MUC4: variants seen among roughly 807,000 people sequenced by gnomAD.
The protein encoded by MUC4 is mucin 4, cell surface associated, also known as mucin-4.
A neutral mutation model predicts 257.9 loss-of-function variants in MUC4; 202 were observed. That is an observed-to-expected ratio of 0.78 (90% confidence interval 0.70 to 0.88). MUC4 has a LOEUF of 0.88. Among genes scored for constraint, MUC4 ranks in the 40% least tolerant of loss-of-function variants. The pLI is 0.00. For synonymous variants in MUC4, 2,351 were observed against 2,757.1 expected (o/e 0.85, Z 4.62); for missense variants, 5,976 against 6,513.7 (o/e 0.92, Z 2.84).
rs1685530258 is a variant in MUC4 at position 195,758,981 on chromosome 3, T to A, written c.14986+143A>T. The stretch of plus-strand genomic sequence containing the variant: ...CTATTTGAGTTATAGATATCGCTCC[T>A]CGGAAATGCCGGTCCTGGATATTCA... On this transcript the variant is annotated intron_variant, in intron 17 of 24. Coordinates refer to ENST00000463781, the MANE Select transcript of MUC4 (RefSeq NM_018406.7). 2.5e-6 allele frequency: 3 copies of A among 1,199,412 alleles called. No homozygotes were observed. In the South Asian group the frequency reaches 4.3e-5, roughly 17 times the overall value. The allele number at this position is 1,199,412 out of a possible 1,614,324, so 74.3% of individuals were successfully genotyped here. A position where few individuals can be genotyped will look rare whatever the true frequency, so the allele number is the denominator to read the frequency against.
chr3:195,798,628 C>CA (rs1553889587), intron 1 of MUC4, among the ~76,000 whole-genome samples: 1 of 151,624 alleles, frequency 6.6e-6, no homozygotes, highest in Non-Finnish European at 1.5e-5. Context: ...GGCGTGAACC[C>CA]GGGAGGCGGA....
Position 195,791,402 on chromosome 3 carries a change from C to T in MUC4, c.178G>A (p.Ala60Thr). The stretch of plus-strand genomic sequence containing the variant: ...TGATTAGAGGTCCTTGAAGAAGCTG[C>T]AGTTGATTGTCCCTCTAGTGTCGCT... ...TTATLEGQST[A>T]ASSRTSNQDI... Residue 60 changes from alanine (A) to threonine (T), a missense_variant, in exon 2 of 25, where the codon GCA (alanine) becomes ACA (threonine). By Grantham distance (58) the Ala-to-Thr change is moderately conservative (BLOSUM62 0). Coordinates refer to ENST00000463781, the MANE Select transcript of MUC4 (RefSeq NM_018406.7). 6.2e-7 allele frequency: 1 copy of T among 1,613,932 alleles called. No individual in the cohort carries two copies. Among genetic ancestry groups the T allele is most frequent in the Non-Finnish European group, 8.5e-7 (1 of 1,179,886 alleles).
At chr3:195,767,919 C>CCACCA (rs1721906505) in intron 7 of MUC4, among the ~76,000 whole-genome samples, 3 of 132,062 alleles carry the variant, frequency 2.3e-5, no homozygotes, top group African/African-American at 1.1e-4. Context: ...ACCATCGCCA[C>CCACCA]TGCCACCTCC....
At position 195,781,283 on chromosome 3, in the gene MUC4, C is replaced by T. The variant is rs2148938688; in HGVS notation, c.10297G>A (p.Ala3433Thr). The change falls in exon 2 of 25, where the codon GCA becomes ACA. Residue 3433 changes from alanine (A) to threonine (T), a missense_variant. Ala to Thr is a moderately conservative substitution (Grantham distance 58, BLOSUM62 0). Around this residue, in one of 44 missense-constraint regions of MUC4, gnomAD observed 297 missense variants for 240.9 expected, o/e 1.23. Coordinates refer to ENST00000463781, the MANE Select transcript of MUC4 (RefSeq NM_018406.7). ...ACAGGGGTGGCGTGACCGGTGGATG[C>T]TGAGGAAGTGCTGGTGACAGGAAGA... The part of the protein sequence containing the change: ...TPLPVTSTSS[A>T]STGHATPVPV... The T allele has an allele frequency of 2.1e-6, 3 of 1,421,130 alleles. No homozygotes were observed. Among genetic ancestry groups the T allele is most frequent in the Non-Finnish European group, 1.9e-6 (2 of 1,057,884 alleles). 88.0% of individuals were successfully genotyped at this position (1,421,130 alleles called of 1,614,324 possible). A position where few individuals can be genotyped will look rare whatever the true frequency, so the allele number is the denominator to read the frequency against.
intron 4 of MUC4, 136 bp downstream of exon 4, chr3:195,774,033 CATT>C (rs1048446921): frequency 8.4e-7 from 1 of 1,188,592 alleles, no homozygotes; most frequent in African/African-American, 1.6e-5. Flanking sequence ...AGAGGCCTGA[CATT>C]AAGGAGGCTG....
chr3:195,788,866 G>C lies in MUC4; in HGVS notation c.2714C>G (p.Ser905Cys). ...TGTCCTCTGAGTCTGGGCCATCCGGGAAATGGCGGCTGTCTCCTGAGGAGA... is the reference window on the plus strand; with the variant it reads ...TGTCCTCTGAGTCTGGGCCATCCGGCAAATGGCGGCTGTCTCCTGAGGAGA... The part of the protein sequence containing the change: ...SASPQETAAI[S>C]RMAQTQRTRT... Residue 905 changes from serine (S) to cysteine (C), a missense_variant, in exon 2 of 25, where the codon TCC (serine) becomes TGC (cysteine). Around this residue, in one of 44 missense-constraint regions of MUC4, gnomAD observed 1,583 missense variants for 1,257.4 expected, o/e 1.26. Transcript: ENST00000463781. 1 of 1,613,902 alleles carries C rather than the reference G, an allele frequency of 6.2e-7. No individual in the cohort carries two copies.
Position 195,784,480 on chromosome 3 carries a change from G to T in MUC4, c.7100C>A (p.Thr2367Asn). 2 of 1,541,902 alleles carry T rather than the reference G, an allele frequency of 1.3e-6. No individual in the cohort carries two copies. The highest frequency in any genetic ancestry group is 1.8e-6 in the Non-Finnish European group (2 of 1,141,130). ...GGAAGAGCTGGTGACAGGAAGAGGG[G>T]TGGTGTCACCTGTGGATACTGAGGA... The part of the protein sequence containing the change: ...DASSVSTGDT[T>N]PLPVTSSSSA... Residue 2367 changes from threonine to asparagine, a missense_variant, in exon 2 of 25, where the codon ACC (threonine) becomes AAC (asparagine). This residue lies in a region of MUC4 where 35 missense variants were observed against 64.3 expected (regional missense o/e 0.54). Coordinates refer to ENST00000463781, the MANE Select transcript of MUC4 (RefSeq NM_018406.7).
At chr3:195,758,067 CAA>C (rs993599114) in intron 17 of MUC4, among the ~76,000 whole-genome samples, 6 of 152,180 alleles carry the variant, frequency 3.9e-5, no homozygotes, top group African/African-American at 1.4e-4. Context: ...GGCAGAGAGG[CAA>C]AGAGAACGCA....
At chr3:195,751,530 G>T in intron 21 of MUC4, 1 of 579,184 alleles carries the variant, frequency 1.7e-6, no homozygotes, top group Non-Finnish European at 3.1e-6. Context: ...GACGAGCAGA[G>T]AATCTGACAT....
chr3:195,797,531 A>G (rs1734719924), intron 1 of MUC4, among the ~76,000 whole-genome samples: 1 of 152,222 alleles, frequency 6.6e-6, no homozygotes, highest in Non-Finnish European at 1.5e-5. Flanking sequence ...CCCCGTGTAA[A>G]CATTATACTT....
chr3:195,758,724 G>C (rs1718174295), intron 17 of MUC4, among the ~76,000 whole-genome samples: 1 of 92,992 alleles, frequency 1.1e-5, no homozygotes, highest in South Asian at 3.6e-4. Flanking sequence ...CACCATGCCT[G>C]GCTTTTTTTT....
Position 195,782,579 on chromosome 3 carries a change from C to G in MUC4, c.9001G>C (p.Ala3001Pro), listed in dbSNP as rs1227783836. 4.4e-6 allele frequency: 4 copies of G among 903,848 alleles called. No homozygotes were observed. Among genetic ancestry groups the G allele is most frequent in the Admixed American group, 2.8e-5 (1 of 36,176 alleles). The allele number at this position is 903,848 out of a possible 1,614,324, so 56.0% of individuals were successfully genotyped here. Reference sequence around the variant, plus strand: ...AGAGAGGTGGCGTGACCTATGGATGCTGAGGAAGTGTCGGTGACAGGAAGA... The same window carrying G: ...AGAGAGGTGGCGTGACCTATGGATGGTGAGGAAGTGTCGGTGACAGGAAGA... ...TLLPVTDTSS[A>P]SIGHATSLPV... The change falls in exon 2 of 25, where the codon GCA (alanine) becomes CCA (proline). Residue 3001 changes from alanine to proline, a missense_variant. Coordinates refer to ENST00000463781, the MANE Select transcript of MUC4 (RefSeq NM_018406.7).
intron 4 of MUC4, 49 bp from the exon 5 acceptor site, chr3:195,771,865 G>A (rs780651195): frequency 1.3e-6 from 2 of 1,590,954 alleles, no homozygotes; most frequent in Non-Finnish European, 8.6e-7. Flanking sequence ...AAGTGGGGAG[G>A]AAAGTCCCAG....
chr3:195,801,223 G>T (rs778493739), intron 1 of MUC4, among the ~76,000 whole-genome samples: 13 of 152,194 alleles, frequency 8.5e-5, no homozygotes, highest in Non-Finnish European at 1.3e-4. Context: ...CCGTCAGATT[G>T]TCAGACAACT....
Position 195,771,834 on chromosome 3 carries a change from G to A in MUC4, c.13078-18C>T, listed in dbSNP as rs1016591600. On this transcript the variant is annotated intron_variant, in intron 4 of 24. Transcript: ENST00000463781. ...TCTGTGAACTGAGCACATGGGTTTT[G>A]TGGTCAGCATTCAGGGAGGGAAGTG... is the stretch of plus-strand genomic sequence containing the variant. The A allele has an allele frequency of 1.9e-6, 3 of 1,611,466 alleles. No homozygotes were observed. The highest frequency in any genetic ancestry group is 2.5e-6 in the Non-Finnish European group (3 of 1,177,968).
chr3:195,800,277 CAA>C (rs796281453), intron 1 of MUC4, among the ~76,000 whole-genome samples: 2 of 141,060 alleles, frequency 1.4e-5, no homozygotes, highest in Admixed American at 7.1e-5. Context: ...GACTCCATCT[CAA>C]AAAAAAAAAA....
chr3:195,811,613 T>C, intron 1 of MUC4, 123 bp downstream of exon 1: 1 of 779,526 alleles, frequency 1.3e-6, no homozygotes. Flanking sequence ...TCCTCTTCGC[T>C]GTCTCCCTTT....
chr3:195,767,516 TCACCACCACCATCGCCAC>T (rs1560261079), intron 7 of MUC4, among the ~76,000 whole-genome samples: 1 of 59,226 alleles, frequency 1.7e-5, no homozygotes, highest in Non-Finnish European at 3.5e-5. Context: ...ACCATCACCA[TCACCACCACCATCGCCAC>T]CACCATCATC....
chr3:195,768,681 A>G (rs1417108525), intron 7 of MUC4, among the ~76,000 whole-genome samples: 1 of 152,230 alleles, frequency 6.6e-6, no homozygotes, highest in African/African-American at 2.4e-5. Context: ...AGTAATGTAC[A>G]CGAAGTGTTA....
Sources: gnomAD v4.1 joint callset for allele counts (sites outside exome capture counted in the v4.1 genomes callset) on GRCh38, gnomAD v4.1.1 for gene constraint, gnomAD v4.1.1 regional missense constraint, MANE v1.5 for transcripts, NCBI Gene and HGNC (gene_info 2026-07-23, HGNC 2026-07-21) for gene names.